Variants in BCLAF3 observed in about 807,000 individuals in gnomAD.
The protein encoded by BCLAF3 is transient octamer binding factor 1.
BCLAF3 carries 24 observed loss-of-function variants against 51.2 expected under a neutral mutation model. That is an observed-to-expected ratio of 0.47 (90% CI 0.34 to 0.66). The LOEUF is 0.66. Among genes scored for constraint, BCLAF3 ranks in the 30% least tolerant of loss-of-function variants. The pLI is 0.01. For missense variants in BCLAF3, 465 were observed against 525.1 expected, an observed-to-expected ratio of 0.89 and a Z score of 1.12; for synonymous variants, 152 against 176.6, an observed-to-expected ratio of 0.86 and a Z score of 1.10.
intron 1 of BCLAF3, among the ~76,000 whole-genome samples, chrX:19,985,873 G>C (rs1340772643): frequency 9.0e-6 from 1 of 111,304 alleles, no homozygotes; most frequent in East Asian, 2.8e-4. Flanking sequence ...CTTGAGCCCA[G>C]GAGGTAGAGG....
In BCLAF3 at chrX:19,972,499, G is replaced by T. The variant is rs192423115; in HGVS notation, c.-34-2201C>A. 6.2e-3 allele frequency among the ~76,000 whole-genome samples: 697 copies of T among 111,932 alleles called. 6 individuals carry two copies. Among genetic ancestry groups the T allele is most frequent in the African/African-American group, 0.022 (671 of 30,813 alleles). On this transcript the variant is annotated intron_variant, in intron 1 of 11. Transcript: ENST00000379682. ...TTTTTAAAAACAAAACATATTTATT[G>T]ATATTGAATTCACATGCCATATAAT...
intron 9 of BCLAF3, 34 bp downstream of exon 9, chrX:19,937,384 T>A (rs1309544005): frequency 1.3e-6 from 1 of 768,287 alleles, no homozygotes; most frequent in Admixed American, 2.4e-5. Flanking sequence ...AAGAAGAAAT[T>A]ATAAAAATGC....
In BCLAF3 at chrX:19,935,831, T is replaced by A; in HGVS notation, c.1928A>T (p.Asn643Ile). 1 of 1,208,902 alleles carries A rather than the reference T, an allele frequency of 8.3e-7. No individual in the cohort carries two copies. Residue 643 changes from asparagine to isoleucine, a missense_variant, in exon 10 of 12, where the codon AAC (asparagine) becomes ATC (isoleucine). By Grantham distance (149) the Asn-to-Ile change is moderately radical. Coordinates refer to ENST00000379682, the MANE Select transcript of BCLAF3 (RefSeq NM_001367774.2). ...KPFEVEGNHRNTRVRPFKSNF... is the reference protein window; with the variant it reads ...KPFEVEGNHRITRVRPFKSNF... Reference sequence around the variant, plus strand: ...TACCTTAAAAGGTCTTACTCTTGTGTTTCGGTGGTTTCCCTCAACCTCAAA... The same window carrying A: ...TACCTTAAAAGGTCTTACTCTTGTGATTCGGTGGTTTCCCTCAACCTCAAA...
chrX:19,959,973 T>A (rs1409173388), intron 4 of BCLAF3, among the ~76,000 whole-genome samples: 1 of 109,499 alleles, frequency 9.1e-6, no homozygotes, highest in Non-Finnish European at 1.9e-5. Flanking sequence ...TTTTTGTATT[T>A]TTTGTAAAGA....
intron 9 of BCLAF3, among the ~76,000 whole-genome samples, chrX:19,937,112 C>A (rs1370413588): frequency 9.0e-6 from 1 of 111,239 alleles, no homozygotes; most frequent in African/African-American, 3.3e-5. Context: ...TGGGCTCAAG[C>A]AATCCTCCTG....
chrX:19,971,358 C>T (rs897939288), intron 1 of BCLAF3, among the ~76,000 whole-genome samples: 7 of 112,395 alleles, frequency 6.2e-5, no homozygotes, highest in Non-Finnish European at 1.3e-4. Flanking sequence ...GCTGGGATTA[C>T]AGGCGTGAGC....
intron 10 of BCLAF3, among the ~76,000 whole-genome samples, chrX:19,934,637 C>A (rs1603304652): frequency 8.9e-6 from 1 of 111,898 alleles, no homozygotes; most frequent in East Asian, 2.8e-4. Flanking sequence ...ATTAATAGAT[C>A]ACTCAATTAA....
At position 19,917,070 on chromosome X, in the gene BCLAF3, T is replaced by C. The variant is rs1370098795; in HGVS notation, c.*235A>G. On this transcript the variant is annotated 3_prime_UTR_variant, in exon 12 of 12. Transcript: ENST00000379682. Reference sequence around the variant, plus strand: ...AAATAATGCCCTTCAAGTGATTCTTTTGAGACTTTTTGCAAAGGAAACTGT... The same window carrying C: ...AAATAATGCCCTTCAAGTGATTCTTCTGAGACTTTTTGCAAAGGAAACTGT... 1.1e-5 allele frequency: 4 copies of C among 373,796 alleles called. No individual in the cohort carries two copies. The highest frequency in any genetic ancestry group is 1.8e-5 in the Non-Finnish European group (4 of 219,707). 30.8% of individuals were successfully genotyped at this position (373,796 alleles called of 1,213,427 possible). A position where few individuals can be genotyped will look rare whatever the true frequency, so the allele number is the denominator to read the frequency against.
At position 19,953,877 on chromosome X, in the gene BCLAF3, G is replaced by A. The variant is rs1167073695; in HGVS notation, c.1466C>T (p.Ser489Leu). ...ACGCTCATGTAAAGTAATGCCAGGT[G>A]ATGGAAAATAATTTGCTGAAAAAGG... is the stretch of plus-strand genomic sequence containing the variant. ...IHQVKANYFP[S>L]PGITLHERFS... The change falls in exon 6 of 12, where the codon TCA becomes TTA. Residue 489 changes from serine to leucine, a missense_variant. Ser to Leu is a moderately radical substitution (Grantham distance 145). Transcript: ENST00000379682. The A allele has an allele frequency of 8.3e-7, 1 of 1,205,420 alleles. No individual in the cohort carries two copies. The highest frequency in any genetic ancestry group is 2.2e-5 in the Admixed American group (1 of 45,816).
At chrX:19,940,252 T>C (rs1355323906) in intron 8 of BCLAF3, among the ~76,000 whole-genome samples, 6 of 102,806 alleles carry the variant, frequency 5.8e-5, no homozygotes, top group Non-Finnish European at 1.2e-4. Flanking sequence ...TTTCAAGAAG[T>C]CTTTATTTTT....
intron 9 of BCLAF3, 59 bp from the exon 10 acceptor site, chrX:19,935,957 T>C (rs2070741390): frequency 1.1e-6 from 1 of 920,026 alleles, no homozygotes; most frequent in African/African-American, 2.0e-5. Flanking sequence ...TTTAAAAGCT[T>C]GTTTTACCAT....
rs767087755 is a variant in BCLAF3 at position 19,921,741 on chromosome X, C to T, written c.2107-4407G>A. ...ATTGGCCAGGCGTGGTAGCTCATGCCTAATAAATCCCAGAACTTTGGGAGG... is the reference window on the plus strand; with the variant it reads ...ATTGGCCAGGCGTGGTAGCTCATGCTTAATAAATCCCAGAACTTTGGGAGG... On this transcript the variant is annotated intron_variant, in intron 11 of 11. Transcript: ENST00000379682. Among the ~76,000 whole-genome samples, 3 of 108,733 alleles carry T rather than the reference C, an allele frequency of 2.8e-5. No homozygotes were observed. In the East Asian group the frequency reaches 8.7e-4, roughly 32 times the overall value. The allele number at this position is 108,733 out of a possible 115,157, so 94.4% of individuals were successfully genotyped here. A position where few individuals can be genotyped will look rare whatever the true frequency, so the allele number is the denominator to read the frequency against.
chrX:19,923,897 T>C (rs750860814), intron 11 of BCLAF3, among the ~76,000 whole-genome samples: 1 of 107,898 alleles, frequency 9.3e-6, no homozygotes, highest in African/African-American at 3.4e-5. Context: ...GCTGGAGTCC[T>C]GTGATGTGAT....
At chrX:19,990,454 A>G (rs2148086946) in intron 1 of BCLAF3, among the ~76,000 whole-genome samples, 1 of 114,059 alleles carries the variant, frequency 8.8e-6, no homozygotes, top group Non-Finnish European at 1.9e-5. Context: ...CCTCACCAGG[A>G]CAAAGCGGGG....
intron 1 of BCLAF3, among the ~76,000 whole-genome samples, chrX:19,978,836 A>G (rs1158882157): frequency 9.1e-6 from 1 of 109,721 alleles, no homozygotes; most frequent in African/African-American, 3.3e-5. Context: ...TCCTATCCTC[A>G]AGAGATACTC....
At chrX:19,934,296 G>GA (rs898074630) in intron 10 of BCLAF3, among the ~76,000 whole-genome samples, 1 of 111,971 alleles carries the variant, frequency 8.9e-6, no homozygotes, top group African/African-American at 3.2e-5. Context: ...GATGCTGTTA[G>GA]AAAAATACTA....
intron 1 of BCLAF3, among the ~76,000 whole-genome samples, chrX:19,980,571 T>C (rs2072576727): frequency 8.9e-6 from 1 of 111,997 alleles, no homozygotes; most frequent in African/African-American, 3.2e-5. Context: ...ATTGTGAGCA[T>C]TTAAAAATAT....
intron 11 of BCLAF3, among the ~76,000 whole-genome samples, chrX:19,919,471 T>A (rs2070055434): frequency 1.8e-5 from 2 of 111,088 alleles, no homozygotes; most frequent in African/African-American, 6.6e-5. Flanking sequence ...CACTTGAACC[T>A]GGGAGGCGGA....
chrX:19,955,895 T>G (rs2147907973), intron 4 of BCLAF3, among the ~76,000 whole-genome samples: 1 of 112,097 alleles, frequency 8.9e-6, no homozygotes, highest in African/African-American at 3.2e-5. Context: ...TTAGATTATT[T>G]TCTACTTCCA....
Sources: gnomAD v4.1 joint callset for allele counts (sites outside exome capture counted in the v4.1 genomes callset) on GRCh38, gnomAD v4.1.1 for gene constraint, MANE v1.5 for transcripts, NCBI Gene and HGNC (gene_info 2026-07-23, HGNC 2026-07-21) for gene names.